The following MCPH1 variants were observed in gnomAD, a reference collection of about 807,000 sequenced individuals.
MCPH1 encodes microcephalin.
Under a neutral mutation model 84.5 loss-of-function variants are expected in MCPH1, and 104 were observed. The observed-to-expected ratio is 1.23, with a 90% CI of 1.05 to 1.45. The LOEUF (loss-of-function observed/expected upper bound fraction) is 1.45, where lower values mean the gene tolerates loss of function less well. MCPH1 is among the 40% of genes most tolerant of loss of function. The pLI, the probability that MCPH1 is intolerant of heterozygous loss-of-function variation, is 0.00. For missense variants in MCPH1, 1,498 were observed against 1,005.7 expected (o/e 1.49, Z -6.62); for synonymous variants, 514 against 366.8 (o/e 1.40, Z -4.58).
At chr8:6,493,008 T>C (rs963608947) in intron 11 of MCPH1, among the ~76,000 whole-genome samples, 5 of 152,200 alleles carry the variant, frequency 3.3e-5, no homozygotes, top group Admixed American at 6.5e-5. Context: ...TAATATTTGG[T>C]TTATTGTCTG....
At chr8:6,432,952 C>G (rs1221937113) in intron 4 of MCPH1, among the ~76,000 whole-genome samples, 1 of 152,214 alleles carries the variant, frequency 6.6e-6, no homozygotes, top group African/African-American at 2.4e-5. Flanking sequence ...ATGTAAGCAG[C>G]TTTCAATTTG....
rs1323123962 is a variant in MCPH1 at position 6,406,935 on chromosome 8, C to T, written c.22+246C>T. ...CCGGCTGCCTGCTTCGTCTCCCGTG[C>T]TCCCTGTCCCCCCAAACCCCCGACT... On this transcript the variant is annotated intron_variant, in intron 1 of 13. Coordinates refer to ENST00000344683, the MANE Select transcript of MCPH1 (RefSeq NM_024596.5). 5.6e-6 allele frequency: 3 copies of T among 534,292 alleles called. No individual in the cohort carries two copies. The African/African-American group carries it at 7.2e-5, about 13-fold the overall frequency. 33.1% of individuals were successfully genotyped at this position (534,292 alleles called of 1,614,324 possible).
chr8:6,411,181 T>C (rs1238475321), intron 2 of MCPH1, among the ~76,000 whole-genome samples: 2 of 152,290 alleles, frequency 1.3e-5, no homozygotes, highest in East Asian at 3.9e-4. Flanking sequence ...TACACAGGCC[T>C]GGTTGAAGAG....
intron 12 of MCPH1, among the ~76,000 whole-genome samples, chr8:6,516,371 C>T (rs1017818731): frequency 1.3e-5 from 2 of 152,070 alleles, no homozygotes; most frequent in Non-Finnish European, 1.5e-5. Context: ...TAGCAAAGTT[C>T]GATTTTGATC....
chr8:6,493,144 A>G (rs535502158), intron 11 of MCPH1, among the ~76,000 whole-genome samples: 23 of 152,332 alleles, frequency 1.5e-4, no homozygotes, highest in African/African-American at 5.3e-4. Flanking sequence ...GTACGCACTT[A>G]GTTATTTATA....
intron 12 of MCPH1, among the ~76,000 whole-genome samples, chr8:6,613,865 A>T (rs1217584495): frequency 6.6e-6 from 1 of 152,080 alleles, no homozygotes; most frequent in Non-Finnish European, 1.5e-5. Context: ...TCGCCAAGGG[A>T]GAAGACTTGA....
chr8:6,447,346 C>G (rs899798456), intron 8 of MCPH1: 9 of 985,214 alleles, frequency 9.1e-6, no homozygotes, highest in African/African-American at 3.5e-5. Context: ...GTGAAAACTT[C>G]TGTACAGCAA....
At chr8:6,540,806 A>G (rs2922873) in intron 12 of MCPH1, among the ~76,000 whole-genome samples, 124,247 of 152,288 alleles carry the variant, frequency 0.82, 50,838 homozygotes, top group Middle Eastern at 0.85. Flanking sequence ...AGCCATGCCG[A>G]ACAGGCGCGG....
chr8:6,633,860 G>T (rs1371538004), intron 13 of MCPH1, among the ~76,000 whole-genome samples: 1 of 152,190 alleles, frequency 6.6e-6, no homozygotes, highest in East Asian at 1.9e-4. Context: ...AAGGCCTGCA[G>T]ATCCCCCTAT....
At chr8:6,510,008 G>T (rs979302368) in intron 12 of MCPH1, among the ~76,000 whole-genome samples, 1 of 152,128 alleles carries the variant, frequency 6.6e-6, no homozygotes, top group Non-Finnish European at 1.5e-5. Context: ...TGCTGAATGC[G>T]TATCACCTTC....
chr8:6,561,913 A>C (rs1298773874), intron 12 of MCPH1, among the ~76,000 whole-genome samples: 3 of 152,248 alleles, frequency 2.0e-5, no homozygotes, highest in Non-Finnish European at 2.9e-5. Flanking sequence ...ACTGTCAGAC[A>C]GACCGTCCTG....
At chr8:6,619,590 C>CT (rs980100079) in intron 12 of MCPH1, among the ~76,000 whole-genome samples, 2 of 150,846 alleles carry the variant, frequency 1.3e-5, no homozygotes, top group African/African-American at 2.4e-5. Context: ...TGCGCCCAGC[C>CT]TTTTTTTTCT....
rs779253079 is a variant in MCPH1 at position 6,444,654 on chromosome 8, T to G, written c.932T>G (p.Val311Gly). The G allele has an allele frequency of 3.1e-6, 5 of 1,614,118 alleles. No homozygotes were observed. In the Admixed American group the frequency reaches 6.7e-5, roughly 22 times the overall value. Residue 311 changes from valine (V) to glycine (G), a missense_variant, in exon 8 of 14, where the codon GTC becomes GGC. Val to Gly is a moderately radical substitution (Grantham distance 109). Coordinates refer to ENST00000344683, the MANE Select transcript of MCPH1 (RefSeq NM_024596.5). Reference protein sequence around the residue: ...NLQRNIAGKVVTPDQKQAAGM... With the variant: ...NLQRNIAGKVGTPDQKQAAGM... ...CAAAGAAATATTGCAGGTAAAGTAG[T>G]CACCCCTGACCAAAAGCAGGCTGCA...
At chr8:6,621,316 C>T (rs1252276278) in intron 12 of MCPH1, 138 bp from the exon 13 acceptor site, 3 of 1,121,192 alleles carry the variant, frequency 2.7e-6, no homozygotes, top group Non-Finnish European at 3.9e-6. Context: ...TCTCAGAATT[C>T]AAAATTCACA....
chr8:6,513,147 A>G (rs984635128), intron 12 of MCPH1, among the ~76,000 whole-genome samples: 1 of 152,190 alleles, frequency 6.6e-6, no homozygotes, highest in Non-Finnish European at 1.5e-5. Context: ...GAAGATACAC[A>G]GTAAACACAA....
chr8:6,623,763 CTT>C (rs1433904684), intron 13 of MCPH1, among the ~76,000 whole-genome samples: 4 of 143,334 alleles, frequency 2.8e-5, no homozygotes, highest in African/African-American at 1.0e-4. Flanking sequence ...GCTGTTTACT[CTT>C]TTCTAAATGC....
chr8:6,626,201 C>G (rs552453996), intron 13 of MCPH1: 1 of 985,402 alleles, frequency 1.0e-6, no homozygotes, highest in African/African-American at 1.7e-5. Context: ...AGCTGCCCCA[C>G]CTTGCTGGCA....
At chr8:6,482,276 A>C (rs1373500740) in intron 11 of MCPH1, among the ~76,000 whole-genome samples, 2 of 152,238 alleles carry the variant, frequency 1.3e-5, no homozygotes, top group East Asian at 3.8e-4. Context: ...ATGCTGACGT[A>C]GCTAAAATCT....
chr8:6,458,549 T>C (rs967724803), intron 9 of MCPH1, among the ~76,000 whole-genome samples: 4 of 152,052 alleles, frequency 2.6e-5, no homozygotes, highest in African/African-American at 9.7e-5. Context: ...GAGCGCAAAT[T>C]TGATAGCAAT....
Sources: gnomAD v4.1 joint callset for allele counts (sites outside exome capture counted in the v4.1 genomes callset) on GRCh38, gnomAD v4.1.1 for gene constraint, MANE v1.5 for transcripts, NCBI Gene and HGNC (gene_info 2026-07-23, HGNC 2026-07-21) for gene names.